Variants in IKBKB-DT observed in about 807,000 individuals in gnomAD.
IKBKB-DT encodes the protein IKBKB divergent transcript.
At chr8:42,242,500 T>A (rs1807015860) in intron 3 of IKBKB-DT, among the ~76,000 whole-genome samples, 1 of 152,158 alleles carries the variant, frequency 6.6e-6, no homozygotes, top group African/African-American at 2.4e-5. Flanking sequence ...AATTAAGGTA[T>A]AATGAGAATT....
chr8:42,254,842 G>A lies in IKBKB-DT; in HGVS notation n.1529+8487C>T, dbSNP rs117554295. Reference sequence around the variant, plus strand: ...TGGGAAGTGAGGTGCCCCTCTGCCCGGCCGCCCCACAGTCTGGGAAGTGAG... The same window carrying A: ...TGGGAAGTGAGGTGCCCCTCTGCCCAGCCGCCCCACAGTCTGGGAAGTGAG... On this transcript the variant is annotated intron_variant and non_coding_transcript_variant, in intron 3 of 3. Transcript: ENST00000518213. Among the ~76,000 whole-genome samples, 252 of 139,370 alleles carry A rather than the reference G, an allele frequency of 1.8e-3. 4 individuals are homozygous for A. The East Asian group carries it at 0.047, about 26-fold the overall frequency. 91.4% of individuals were successfully genotyped at this position (139,370 alleles called of 152,430 possible). A position where few individuals can be genotyped will look rare whatever the true frequency, so the allele number is the denominator to read the frequency against.
intron 3 of IKBKB-DT, among the ~76,000 whole-genome samples, chr8:42,256,682 G>A (rs186743392): frequency 3.3e-5 from 5 of 152,236 alleles, no homozygotes; most frequent in Admixed American, 3.3e-4. Flanking sequence ...TTTCATGAAT[G>A]AGTCAGTTTT....
At chr8:42,239,436 G>A (rs1485475790) in intron 3 of IKBKB-DT, among the ~76,000 whole-genome samples, 1 of 151,436 alleles carries the variant, frequency 6.6e-6, no homozygotes, top group Non-Finnish European at 1.5e-5. Flanking sequence ...CTCCCCACCA[G>A]CTCAGCCTAA....
At chr8:42,266,982 TTTTTTTGTTTG>T (rs767876231) in intron 1 of IKBKB-DT, among the ~76,000 whole-genome samples, 2 of 151,016 alleles carry the variant, frequency 1.3e-5, no homozygotes, top group Non-Finnish European at 2.9e-5. Flanking sequence ...CTTTACCTTC[TTTTTTTGTTTG>T]TTTTTTTTTT....
At chr8:42,235,200 A>ATTTT (rs1806903501) in intron 3 of IKBKB-DT, among the ~76,000 whole-genome samples, 1 of 83,148 alleles carries the variant, frequency 1.2e-5, no homozygotes. Context: ...CTTTTCTTTT[A>ATTTT]TTTTCTTTTT....
chr8:42,245,611 T>C (rs1807053283), intron 3 of IKBKB-DT, among the ~76,000 whole-genome samples: 1 of 152,162 alleles, frequency 6.6e-6, no homozygotes, highest in African/African-American at 2.4e-5. Flanking sequence ...AAGAGTGAAA[T>C]CCTGTCTCGA....
At chr8:42,255,720 G>A (rs1291090718) in intron 3 of IKBKB-DT, among the ~76,000 whole-genome samples, 1 of 152,050 alleles carries the variant, frequency 6.6e-6, no homozygotes, top group African/African-American at 2.4e-5. Context: ...GATTCTTACT[G>A]AATTTATGAA....
chr8:42,243,623 C>T (rs1014268970), intron 3 of IKBKB-DT, among the ~76,000 whole-genome samples: 2 of 152,136 alleles, frequency 1.3e-5, no homozygotes, highest in Non-Finnish European at 1.5e-5. Flanking sequence ...GGTGCTACTG[C>T]TTATAGCACT....
At chr8:42,240,042 A>G (rs1806980052) in intron 3 of IKBKB-DT, among the ~76,000 whole-genome samples, 1 of 152,114 alleles carries the variant, frequency 6.6e-6, no homozygotes, top group Admixed American at 6.6e-5. Context: ...TTTATAACAA[A>G]CTGATTTTTA....
chr8:42,256,563 A>G (rs1748792503), intron 3 of IKBKB-DT, among the ~76,000 whole-genome samples: 2 of 152,010 alleles, frequency 1.3e-5, no homozygotes, highest in South Asian at 4.1e-4. Flanking sequence ...CAAGAGCAAA[A>G]CTCCATCTCA....
chr8:42,238,825 C>T (rs1293205453), intron 3 of IKBKB-DT, among the ~76,000 whole-genome samples: 2 of 152,154 alleles, frequency 1.3e-5, no homozygotes, highest in Admixed American at 6.5e-5. Context: ...GTGATTTCAT[C>T]CCCTACCAAT....
chr8:42,259,007 T>C (rs931098715), intron 3 of IKBKB-DT, among the ~76,000 whole-genome samples: 2 of 152,122 alleles, frequency 1.3e-5, no homozygotes, highest in Non-Finnish European at 2.9e-5. Context: ...TATTTTTTCA[T>C]AGCAGTTTTT....
intron 3 of IKBKB-DT, among the ~76,000 whole-genome samples, chr8:42,236,164 C>CT (rs879354152): frequency 5.1e-4 from 74 of 146,026 alleles, no homozygotes; most frequent in Middle Eastern, 3.5e-3. Context: ...TCACTTCTCT[C>CT]TTTTTTTTTT....
chr8:42,252,030 G>T (rs966160613), intron 3 of IKBKB-DT, among the ~76,000 whole-genome samples: 2 of 152,152 alleles, frequency 1.3e-5, no homozygotes, highest in African/African-American at 2.4e-5. Context: ...ATAAGTGAAT[G>T]CTGGCTGCTG....
intron 3 of IKBKB-DT, among the ~76,000 whole-genome samples, chr8:42,250,262 G>T (rs1025981979): frequency 6.6e-6 from 1 of 152,078 alleles, no homozygotes; most frequent in African/African-American, 2.4e-5. Context: ...GTCACTTCTG[G>T]GTGGGGCCAC....
At chr8:42,239,974 T>C (rs1806979355) in intron 3 of IKBKB-DT, among the ~76,000 whole-genome samples, 2 of 152,122 alleles carry the variant, frequency 1.3e-5, no homozygotes, top group Admixed American at 6.6e-5. Context: ...AAATACAAGA[T>C]TGTAAACTGA....
intron 3 of IKBKB-DT, among the ~76,000 whole-genome samples, chr8:42,247,016 G>A (rs1563275680): frequency 6.6e-6 from 1 of 152,192 alleles, no homozygotes; most frequent in Non-Finnish European, 1.5e-5. Context: ...GACAGGAAGC[G>A]GAGCTCAGGC....
At chr8:42,269,513 A>G in intron 1 of IKBKB-DT, among the ~76,000 whole-genome samples, 1 of 98,342 alleles carries the variant, frequency 1.0e-5, no homozygotes, top group African/African-American at 4.0e-5. Flanking sequence ...AGGAAGGAGG[A>G]GAGATAGGAA....
intron 3 of IKBKB-DT, among the ~76,000 whole-genome samples, chr8:42,247,211 G>T (rs1807075417): frequency 6.6e-6 from 1 of 152,194 alleles, no homozygotes; most frequent in Non-Finnish European, 1.5e-5. Flanking sequence ...CAGGGGTGGA[G>T]CTGCCCAAGG....
Sources: allele counts gnomAD v4.1 joint callset (sites outside exome capture counted in the v4.1 genomes callset), GRCh38; gene constraint gnomAD v4.1.1; transcripts MANE v1.5; gene names NCBI Gene and HGNC (gene_info 2026-07-23, HGNC 2026-07-21).